The following XPO4 variants were observed in gnomAD, a reference collection of about 807,000 sequenced individuals.
XPO4 encodes exportin 4, also known as exportin-4.
XPO4 carries 39 observed loss-of-function variants against 143.0 expected under a neutral mutation model. That is an observed-to-expected ratio of 0.27 (90% confidence interval 0.21 to 0.36). The LOEUF is 0.36. XPO4 is among the 10% of genes least tolerant of loss of function. The pLI is 1.00. For synonymous variants in XPO4, 439 were observed against 474.0 expected (o/e 0.93, Z 0.96); for missense variants, 907 against 1,348.0 (o/e 0.67, Z 5.12).
rs1196358734 is a variant in XPO4, at chr13:20,829,240, G to A, written c.728-2061C>T. Among the ~76,000 whole-genome samples, 8 of 152,136 alleles carry A rather than the reference G, an allele frequency of 5.3e-5. No individual in the cohort carries two copies. The East Asian group carries it at 1.2e-3, about 22-fold the overall frequency. ...CCCAAAGTGCAAGGATTATAGGCAT[G>A]AGCCAGCACACCTGGCCAATTCTTC... On this transcript the variant is annotated intron_variant, in intron 6 of 22. Coordinates refer to ENST00000255305, the MANE Select transcript of XPO4 (RefSeq NM_022459.5).
rs540562573 is a variant in XPO4, at chr13:20,824,734, G to GTAT, written c.840+2332_840+2333insATA. Among the ~76,000 whole-genome samples the GTAT allele has an allele frequency of 7.4e-4, 113 of 152,304 alleles. 1 individual carries two copies. Among genetic ancestry groups the GTAT allele is most frequent in the Middle Eastern group, 3.4e-3 (1 of 294 alleles). The stretch of plus-strand genomic sequence containing the variant: ...CACCTGAATATGGAAAAGGGACAGA[G>GTAT]GGATAAGGGAAAGCAAAGCCCAGCA... On this transcript the variant is annotated intron_variant, in intron 7 of 22. Coordinates refer to ENST00000255305, the MANE Select transcript of XPO4 (RefSeq NM_022459.5).
At chr13:20,899,786 A>G (rs1456319247) in intron 1 of XPO4, among the ~76,000 whole-genome samples, 1 of 152,194 alleles carries the variant, frequency 6.6e-6, no homozygotes, top group Admixed American at 6.5e-5. Flanking sequence ...TTGAATCTCA[A>G]AGCATATTAA....
rs377445199 is a variant in XPO4 at position 20,799,152 on chromosome 13, A to T, written c.2322+13T>A. Reference sequence around the variant, plus strand: ...ACACAAAAGGGTGCAATCAAAATAGACAGCACTGTTACCTCTGTCCAATAC... The same window carrying T: ...ACACAAAAGGGTGCAATCAAAATAGTCAGCACTGTTACCTCTGTCCAATAC... On this transcript the variant is annotated intron_variant, in intron 16 of 22. Coordinates refer to ENST00000255305, the MANE Select transcript of XPO4 (RefSeq NM_022459.5). The T allele has an allele frequency of 8.4e-5, 132 of 1,568,606 alleles. No individual in the cohort carries two copies. Among genetic ancestry groups the T allele is most frequent in the Non-Finnish European group, 1.0e-4 (117 of 1,150,864 alleles).
chr13:20,786,889 G>A (rs45502192), intron 22 of XPO4, 76 bp downstream of exon 22: 20,383 of 1,212,232 alleles, frequency 0.017, 252 homozygotes, highest in Non-Finnish European at 0.019. Context: ...GGGGATTAAT[G>A]ACCCACCATC....
chr13:20,800,769 T>C, intron 14 of XPO4, 62 bp downstream of exon 14: 5 of 1,569,774 alleles, frequency 3.2e-6, no homozygotes, highest in Non-Finnish European at 4.3e-6. Flanking sequence ...AGAAAAATGT[T>C]CCTGCTTCTA....
intron 1 of XPO4, among the ~76,000 whole-genome samples, chr13:20,874,705 T>C (rs1329033477): frequency 6.6e-6 from 1 of 152,184 alleles, no homozygotes; most frequent in Admixed American, 6.5e-5. Flanking sequence ...AATCAACTTC[T>C]GTTCTTGGCT....
chr13:20,855,542 G>C, intron 4 of XPO4, 85 bp downstream of exon 4: 6 of 1,217,296 alleles, frequency 4.9e-6, no homozygotes, highest in East Asian at 3.0e-5. Flanking sequence ...TTTTTATGTA[G>C]ATATCCATTA....
chr13:20,867,910 TCTTA>T (rs1169861077), intron 2 of XPO4, among the ~76,000 whole-genome samples: 2 of 152,198 alleles, frequency 1.3e-5, no homozygotes, highest in Admixed American at 6.5e-5. Context: ...ATGAAGTCTC[TCTTA>T]CTATTATTGA....
chr13:20,897,916 A>C (rs7321635), intron 1 of XPO4, among the ~76,000 whole-genome samples: 89,121 of 151,930 alleles, frequency 0.59, 26,937 homozygotes, highest in Non-Finnish European at 0.63. Context: ...CCTCGCCCAG[A>C]TAATTTTTGT....
intron 18 of XPO4, among the ~76,000 whole-genome samples, chr13:20,792,244 G>A (rs556362952): frequency 3.2e-4 from 48 of 152,198 alleles, no homozygotes; most frequent in Non-Finnish European, 5.4e-4. Context: ...CCAGGAGTTC[G>A]AGACCAGCCC....
intron 2 of XPO4, among the ~76,000 whole-genome samples, chr13:20,867,000 G>T (rs966111908): frequency 2.0e-5 from 3 of 152,192 alleles, no homozygotes; most frequent in Non-Finnish European, 4.4e-5. Flanking sequence ...ATTATTTTAG[G>T]TTAATAGTTT....
At chr13:20,884,083 C>T (rs1042613920) in intron 1 of XPO4, among the ~76,000 whole-genome samples, 6 of 152,200 alleles carry the variant, frequency 3.9e-5, no homozygotes, top group Middle Eastern at 3.4e-3. Flanking sequence ...TTGTTAAATA[C>T]GTTCACTAAG....
At chr13:20,793,505 G>A (rs189193688) in intron 18 of XPO4, among the ~76,000 whole-genome samples, 8 of 152,232 alleles carry the variant, frequency 5.3e-5, no homozygotes, top group East Asian at 1.9e-4. Context: ...CATAAACCTG[G>A]GAGATTGTCT....
At chr13:20,814,849 G>T (rs2059629322) in intron 9 of XPO4, among the ~76,000 whole-genome samples, 1 of 152,188 alleles carries the variant, frequency 6.6e-6, no homozygotes, top group East Asian at 1.9e-4. Flanking sequence ...ATCTCTCAAT[G>T]CCCATAATTA....
At chr13:20,784,455 A>AG (rs1173543134) in intron 22 of XPO4, among the ~76,000 whole-genome samples, 12 of 152,224 alleles carry the variant, frequency 7.9e-5, no homozygotes, top group Admixed American at 7.9e-4. Flanking sequence ...CAAGTGGAGC[A>AG]GGGCACTCTG....
chr13:20,784,120 G>A (rs1001483181), intron 22 of XPO4, among the ~76,000 whole-genome samples: 3 of 152,114 alleles, frequency 2.0e-5, no homozygotes, highest in African/African-American at 4.8e-5. Context: ...ACAATGCTTC[G>A]AGACAGGTAC....
At chr13:20,867,576 T>C (rs182500536) in intron 2 of XPO4, among the ~76,000 whole-genome samples, 3 of 152,084 alleles carry the variant, frequency 2.0e-5, no homozygotes, top group Non-Finnish European at 4.4e-5. Context: ...GGTGCACCAG[T>C]GGCACCTAGA....
At chr13:20,796,717 C>G in intron 17 of XPO4, 47 bp downstream of exon 17, 2 of 1,389,898 alleles carry the variant, frequency 1.4e-6, no homozygotes, top group Non-Finnish European at 1.9e-6. Context: ...TTTATTACAG[C>G]TTCAAAGAGT....
At chr13:20,833,835 G>A (rs1049579989) in intron 6 of XPO4, among the ~76,000 whole-genome samples, 2 of 152,168 alleles carry the variant, frequency 1.3e-5, no homozygotes, top group Non-Finnish European at 2.9e-5. Flanking sequence ...AAGGTAGAAG[G>A]AAAGCTGGCC....
Sources: allele counts gnomAD v4.1 joint callset (sites outside exome capture counted in the v4.1 genomes callset), GRCh38; gene constraint gnomAD v4.1.1; transcripts MANE v1.5; gene names NCBI Gene and HGNC (gene_info 2026-07-23, HGNC 2026-07-21).